Variants in PPP6R3 observed in about 807,000 individuals in gnomAD.
The protein encoded by PPP6R3 is serine/threonine-protein phosphatase 6 regulatory subunit 3.
In PPP6R3, 38 loss-of-function variants were observed where a neutral mutation model predicts 110.7. That is an observed-to-expected ratio of 0.34 (90% CI 0.26 to 0.45). The LOEUF (loss-of-function observed/expected upper bound fraction) is 0.45, where lower values mean the gene tolerates loss of function less well. PPP6R3 is among the 20% of genes least tolerant of loss of function. The probability of loss-of-function intolerance (pLI) is 1.00; values close to 1 mark genes in which losing one functional copy is unlikely to be tolerated. For missense variants in PPP6R3, 870 were observed against 1,062.4 expected, an observed-to-expected ratio of 0.82 and a Z score of 2.52; for synonymous variants, 369 against 373.5, an observed-to-expected ratio of 0.99 and a Z score of 0.14.
intron 1 of PPP6R3, among the ~76,000 whole-genome samples, chr11:68,472,291 TC>T (rs1205501364): frequency 6.6e-6 from 1 of 152,226 alleles, no homozygotes; most frequent in Non-Finnish European, 1.5e-5. Flanking sequence ...TTGTGGTTTA[TC>T]CTTCTTCACT....
At chr11:68,465,029 G>A (rs2098735893) in intron 1 of PPP6R3, among the ~76,000 whole-genome samples, 1 of 151,862 alleles carries the variant, frequency 6.6e-6, no homozygotes, top group Admixed American at 6.6e-5. Flanking sequence ...TTACAGGTGC[G>A]TGCCACCACA....
intron 22 of PPP6R3, chr11:68,609,411 T>C (rs189667083): frequency 3.2e-5 from 23 of 719,724 alleles, no homozygotes; most frequent in Admixed American, 1.0e-4. Context: ...TCTTGCTGCT[T>C]TAATGGTGGG....
chr11:68,522,952 C>G (rs1041068601), intron 2 of PPP6R3, among the ~76,000 whole-genome samples: 3 of 152,178 alleles, frequency 2.0e-5, no homozygotes, highest in Non-Finnish European at 4.4e-5. Flanking sequence ...CTGAATTACT[C>G]ACTTGGGACT....
chr11:68,601,112 A>G (rs1379996902), intron 20 of PPP6R3, among the ~76,000 whole-genome samples: 2 of 152,220 alleles, frequency 1.3e-5, no homozygotes, highest in African/African-American at 2.4e-5. Flanking sequence ...TTAAGTTACT[A>G]CTCAGAGGTA....
In PPP6R3 at chr11:68,572,312, C is replaced by T. The variant is rs377700306; in HGVS notation, c.1343+1208C>T. Among the ~76,000 whole-genome samples the T allele has an allele frequency of 1.1e-4, 16 of 152,236 alleles. No homozygotes were observed. The East Asian group carries it at 1.2e-3, about 11-fold the overall frequency. ...TGTGCCCTGCTCTCCTGGTGAGTCC[C>T]GTTTTCTGGAGGCCTGGTGAATACC... On this transcript the variant is annotated intron_variant, in intron 12 of 23. Transcript: ENST00000393800.
intron 7 of PPP6R3, among the ~76,000 whole-genome samples, chr11:68,555,905 C>A (rs2099397566): frequency 6.6e-6 from 1 of 152,120 alleles, no homozygotes; most frequent in Admixed American, 6.5e-5. Context: ...AGAATAAGAA[C>A]CAACCACTTC....
intron 5 of PPP6R3, 58 bp downstream of exon 5, chr11:68,548,262 C>G (rs2099356987): frequency 6.3e-7 from 1 of 1,593,832 alleles, no homozygotes; most frequent in South Asian, 1.1e-5. Flanking sequence ...TGTGAGCCCA[C>G]CAGGCTGCTG....
intron 15 of PPP6R3, among the ~76,000 whole-genome samples, chr11:68,585,799 T>C (rs1448428543): frequency 6.6e-6 from 1 of 152,240 alleles, no homozygotes; most frequent in Non-Finnish European, 1.5e-5. Flanking sequence ...GATGGATGAA[T>C]AGATAAATAT....
At chr11:68,464,229 T>G (rs1372392375) in intron 1 of PPP6R3, among the ~76,000 whole-genome samples, 3 of 152,074 alleles carry the variant, frequency 2.0e-5, no homozygotes, top group Non-Finnish European at 4.4e-5. Context: ...GCCTCCTGGG[T>G]TCAAGCAGTT....
rs2099407437 is a variant in PPP6R3 at position 68,558,431 on chromosome 11, A to G, written c.732-135A>G. ...CAATTGCCTACTTTAATAAGTATAT[A>G]GAAATAAAATAGTAAAACAAATATG... On this transcript the variant is annotated intron_variant, in intron 7 of 23. Coordinates refer to ENST00000393800, the MANE Select transcript of PPP6R3 (RefSeq NM_001164161.2). 7.1e-6 allele frequency: 4 copies of G among 565,168 alleles called. No homozygotes were observed. In the Admixed American group the frequency reaches 1.1e-4, roughly 15 times the overall value. 35.0% of individuals were successfully genotyped at this position (565,168 alleles called of 1,614,324 possible).
At chr11:68,582,943 G>T in intron 14 of PPP6R3, 100 bp from the exon 15 acceptor site, 6 of 935,772 alleles carry the variant, frequency 6.4e-6, no homozygotes, top group Non-Finnish European at 9.5e-6. Flanking sequence ...TCTGTTACAC[G>T]TTGAGAAAAA....
intron 1 of PPP6R3, among the ~76,000 whole-genome samples, chr11:68,462,468 T>C (rs1485727133): frequency 1.3e-5 from 2 of 152,218 alleles, no homozygotes; most frequent in Non-Finnish European, 2.9e-5. Flanking sequence ...AAGTCGGGCT[T>C]TGTTCCTCAT....
chr11:68,614,953 G>GGA lies in PPP6R3; in HGVS notation c.*1837_*1838insAG. 1 of 615,570 alleles carries GGA rather than the reference G, an allele frequency of 1.6e-6. No homozygotes were observed. The highest frequency in any genetic ancestry group is 3.0e-6 in the Non-Finnish European group (1 of 331,806). The allele number at this position is 615,570 out of a possible 1,614,324, so 38.1% of individuals were successfully genotyped here. ...GTTTGGCTCCACTGGTGGCACACGTGGCCTCCGTGGTATGGACCTGGTGGC... is the reference window on the plus strand; with the variant it reads ...GTTTGGCTCCACTGGTGGCACACGTGGAGCCTCCGTGGTATGGACCTGGTGGC... On this transcript the variant is annotated 3_prime_UTR_variant, in exon 24 of 24. Coordinates refer to ENST00000393800, the MANE Select transcript of PPP6R3 (RefSeq NM_001164161.2).
intron 1 of PPP6R3, among the ~76,000 whole-genome samples, chr11:68,481,733 G>T (rs1469864157): frequency 6.6e-6 from 1 of 152,220 alleles, no homozygotes; most frequent in East Asian, 1.9e-4. Flanking sequence ...CTCATGGTTA[G>T]TGTAAACCTT....
intron 2 of PPP6R3, among the ~76,000 whole-genome samples, chr11:68,537,297 T>C (rs994396547): frequency 4.6e-5 from 7 of 152,210 alleles, no homozygotes; most frequent in African/African-American, 1.7e-4. Flanking sequence ...TCACTGCTTA[T>C]CACTTGTTGC....
At chr11:68,581,306 C>T (rs2099553579) in intron 14 of PPP6R3, among the ~76,000 whole-genome samples, 1 of 152,170 alleles carries the variant, frequency 6.6e-6, no homozygotes, top group Admixed American at 6.5e-5. Flanking sequence ...ATGTCTGGCA[C>T]ATAGTAGTTC....
At chr11:68,520,273 A>G (rs1366922754) in intron 2 of PPP6R3, among the ~76,000 whole-genome samples, 1 of 152,048 alleles carries the variant, frequency 6.6e-6, no homozygotes. Context: ...TTAATCATCT[A>G]CCTTCCTGAA....
intron 12 of PPP6R3, among the ~76,000 whole-genome samples, chr11:68,571,794 T>C (rs1411217389): frequency 6.6e-6 from 1 of 152,200 alleles, no homozygotes; most frequent in South Asian, 2.1e-4. Context: ...TATTGAGATA[T>C]AATTCTCATA....
rs59022544 is a variant in PPP6R3 at position 68,509,744 on chromosome 11, ATTTTTTTTTT to A, written c.-157-9744_-157-9735del. On this transcript the variant is annotated intron_variant, in intron 1 of 23. Coordinates refer to ENST00000393800, the MANE Select transcript of PPP6R3 (RefSeq NM_001164161.2). ...AGACATAAGCCACTGCATGTGGCTA[ATTTTTTTTTT>A]TTTTTTTTTTTTGAGACGGAGCTTC... 3.7e-4 allele frequency among the ~76,000 whole-genome samples: 38 copies of A among 102,128 alleles called. No individual in the cohort carries two copies. The East Asian group carries it at 4.5e-3, about 12-fold the overall frequency. The allele number at this position is 102,128 out of a possible 152,430, so 67.0% of individuals were successfully genotyped here. A position where few individuals can be genotyped will look rare whatever the true frequency, so the allele number is the denominator to read the frequency against.
Sources: gnomAD v4.1 joint callset for allele counts (sites outside exome capture counted in the v4.1 genomes callset) on GRCh38, gnomAD v4.1.1 for gene constraint, MANE v1.5 for transcripts, NCBI Gene and HGNC (gene_info 2026-07-23, HGNC 2026-07-21) for gene names.